Variants in HSD17B12 observed in about 807,000 individuals in gnomAD.
HSD17B12 encodes the protein very-long-chain 3-oxoacyl-CoA reductase.
HSD17B12 carries 32 observed loss-of-function variants against 39.3 expected under a neutral mutation model. The observed-to-expected ratio is 0.81, with a 90% CI of 0.61 to 1.09. The LOEUF (loss-of-function observed/expected upper bound fraction) is 1.09, where lower values mean the gene tolerates loss of function less well. HSD17B12 is among the 50% of genes least tolerant of loss of function. The pLI is 0.00. For missense variants in HSD17B12, 342 were observed against 382.9 expected, an observed-to-expected ratio of 0.89 and a Z score of 0.89; for synonymous variants, 150 against 146.7, an observed-to-expected ratio of 1.02 and a Z score of -0.16.
the HSD17B12 span, among the ~76,000 whole-genome samples, chr11:43,664,522 G>A: frequency 5.3e-5 from 8 of 152,282 alleles, no homozygotes; most frequent in East Asian, 1.5e-3. Flanking sequence ...AATAACACAG[G>A]GACATGTGTT....
chr11:43,692,234 A>T (rs866188559), intron 1 of HSD17B12, among the ~76,000 whole-genome samples: 11 of 152,148 alleles, frequency 7.2e-5, no homozygotes, highest in African/African-American at 2.4e-4. Context: ...TTAGTTTTCT[A>T]TTTTTTGTTC....
At chr11:43,650,316 A>T in the HSD17B12 span, among the ~76,000 whole-genome samples, 1 of 152,234 alleles carries the variant, frequency 6.6e-6, no homozygotes, top group Non-Finnish European at 1.5e-5. Flanking sequence ...CAAGATTATG[A>T]ACAGGTGTTA....
chr11:43,739,662 G>A (rs1950346925), intron 1 of HSD17B12, among the ~76,000 whole-genome samples: 1 of 150,340 alleles, frequency 6.7e-6, no homozygotes, highest in Non-Finnish European at 1.5e-5. Context: ...ACCTCTTAAT[G>A]TCTCCACTTC....
the HSD17B12 span, among the ~76,000 whole-genome samples, chr11:43,670,741 T>C: frequency 6.6e-6 from 1 of 151,940 alleles, no homozygotes; most frequent in African/African-American, 2.4e-5. Context: ...AAATATTAGC[T>C]GGGTGTGGTG....
At chr11:43,565,365 G>A in the HSD17B12 span, among the ~76,000 whole-genome samples, 6 of 152,174 alleles carry the variant, frequency 3.9e-5, no homozygotes, top group African/African-American at 1.4e-4. Context: ...TTAGAGGATT[G>A]AAGGCAGGGT....
chr11:43,704,482 C>T (rs562272862), intron 1 of HSD17B12, among the ~76,000 whole-genome samples: 2 of 152,302 alleles, frequency 1.3e-5, no homozygotes, highest in South Asian at 2.1e-4. Flanking sequence ...CACATGGTCT[C>T]CTCAGTACAG....
the HSD17B12 span, among the ~76,000 whole-genome samples, chr11:43,637,765 G>A: frequency 6.6e-6 from 1 of 152,194 alleles, no homozygotes; most frequent in East Asian, 1.9e-4. Context: ...GAAACACAGT[G>A]TCCATGAGCT....
chr11:43,570,906 G>A, the HSD17B12 span, among the ~76,000 whole-genome samples: 1 of 152,164 alleles, frequency 6.6e-6, no homozygotes, highest in Non-Finnish European at 1.5e-5. Context: ...ACAAGATTCA[G>A]ATCCAATTCA....
chr11:43,675,771 A>AT (rs1342193459), upstream of HSD17B12, among the ~76,000 whole-genome samples: 6 of 152,162 alleles, frequency 3.9e-5, no homozygotes, highest in Non-Finnish European at 5.9e-5. Flanking sequence ...AGTAGAGTGA[A>AT]TAAGACCTGC....
At chr11:43,758,054 A>G (rs1009711096) in intron 3 of HSD17B12, among the ~76,000 whole-genome samples, 4 of 152,188 alleles carry the variant, frequency 2.6e-5, no homozygotes, top group Non-Finnish European at 5.9e-5. Context: ...CCCCAGTCTC[A>G]TTAAACTGTA....
chr11:43,694,236 G>C (rs984334536), intron 1 of HSD17B12, among the ~76,000 whole-genome samples: 1 of 152,140 alleles, frequency 6.6e-6, no homozygotes, highest in African/African-American at 2.4e-5. Context: ...ACTGGTATAA[G>C]GGTTACACAG....
intron 1 of HSD17B12, among the ~76,000 whole-genome samples, chr11:43,692,958 A>C (rs763978328): frequency 2.0e-5 from 3 of 152,238 alleles, no homozygotes; most frequent in Admixed American, 6.5e-5. Flanking sequence ...CAATTTTTAC[A>C]CAAGTTTAGT....
chr11:43,734,499 A>G, intron 1 of HSD17B12: 1 of 616,074 alleles, frequency 1.6e-6, no homozygotes. Context: ...ATTGCATACC[A>G]GCTCTCGCTC....
intron 2 of HSD17B12, among the ~76,000 whole-genome samples, chr11:43,752,121 CAGTTT>C (rs1950470266): frequency 6.6e-6 from 1 of 151,786 alleles, no homozygotes; most frequent in Non-Finnish European, 1.5e-5. Context: ...TTGAAAAATC[CAGTTT>C]AGTTGTTTTG....
chr11:43,665,922 T>C, the HSD17B12 span, among the ~76,000 whole-genome samples: 1 of 152,202 alleles, frequency 6.6e-6, no homozygotes, highest in South Asian at 2.1e-4. Context: ...CAAATTCTTG[T>C]CAACCCACGG....
chr11:43,569,094 G>A, the HSD17B12 span, among the ~76,000 whole-genome samples: 1 of 152,128 alleles, frequency 6.6e-6, no homozygotes, highest in African/African-American at 2.4e-5. Context: ...GTTCTTACTG[G>A]GGAGTTGAGA....
At chr11:43,603,274 C>T in the HSD17B12 span, among the ~76,000 whole-genome samples, 1 of 152,016 alleles carries the variant, frequency 6.6e-6, no homozygotes, top group Non-Finnish European at 1.5e-5. Context: ...GAACATACAT[C>T]AGTAATGAGT....
chr11:43,688,180 C>T (rs1949819522), intron 1 of HSD17B12, among the ~76,000 whole-genome samples: 1 of 151,836 alleles, frequency 6.6e-6, no homozygotes, highest in Non-Finnish European at 1.5e-5. Flanking sequence ...CCACTGCGCT[C>T]CAGAGTGGGC....
chr11:43,781,409 G>A (rs1950764412), intron 3 of HSD17B12, among the ~76,000 whole-genome samples: 1 of 152,010 alleles, frequency 6.6e-6, no homozygotes, highest in African/African-American at 2.4e-5. Flanking sequence ...AGAAAGTCTG[G>A]TCTGTCTTTT....
Sources: allele counts gnomAD v4.1 joint callset (sites outside exome capture counted in the v4.1 genomes callset), GRCh38; gene constraint gnomAD v4.1.1; transcripts MANE v1.5; gene names NCBI Gene and HGNC (gene_info 2026-07-23, HGNC 2026-07-21).